EPYC: variants seen among roughly 807,000 people sequenced by gnomAD.
EPYC encodes the protein dermatan sulfate proteoglycan 3.
In EPYC, 28 loss-of-function variants were observed where a neutral mutation model predicts 30.1. That is an observed-to-expected ratio of 0.93 (90% CI 0.69 to 1.28). The LOEUF is 1.28. Ranked by LOEUF, EPYC falls within the 50% of genes most tolerant of loss-of-function variation. EPYC has a pLI of 0.00. For synonymous variants in EPYC, 144 were observed against 141.4 expected, an observed-to-expected ratio of 1.02 and a Z score of -0.13; for missense variants, 382 against 383.5, an observed-to-expected ratio of 1.00 and a Z score of 0.03.
intron 5 of EPYC, 63 bp downstream of exon 5, chr12:90,971,737 G>T: frequency 1.4e-6 from 1 of 694,280 alleles, no homozygotes; most frequent in East Asian, 3.2e-5. Context: ...GAATAAAAAA[G>T]GTAGTCAATG....
At chr12:91,001,312 T>G (rs1294656937) in intron 2 of EPYC, among the ~76,000 whole-genome samples, 1 of 152,156 alleles carries the variant, frequency 6.6e-6, no homozygotes, top group Non-Finnish European at 1.5e-5. Context: ...CATCTAAATA[T>G]TTTCTATCCT....
intron 3 of EPYC, among the ~76,000 whole-genome samples, chr12:90,974,030 A>ACACACT (rs1565871351): frequency 2.5e-5 from 2 of 79,736 alleles, no homozygotes; most frequent in East Asian, 3.8e-4. Flanking sequence ...TTTCTGTCTT[A>ACACACT]CACACACTCA....
intron 2 of EPYC, among the ~76,000 whole-genome samples, chr12:90,987,515 A>G (rs1920714): frequency 0.89 from 134,781 of 152,218 alleles, 59,685 homozygotes; most frequent in South Asian, 0.95. Flanking sequence ...TATCTCATAG[A>G]GAAAGCAGGT....
chr12:90,971,535 G>C (rs1877043377), intron 5 of EPYC, among the ~76,000 whole-genome samples: 1 of 151,846 alleles, frequency 6.6e-6, no homozygotes, highest in Non-Finnish European at 1.5e-5. Context: ...GCCAGGCATG[G>C]TGACACGCAT....
intron 3 of EPYC, among the ~76,000 whole-genome samples, chr12:90,973,416 A>G (rs537705527): frequency 6.6e-6 from 1 of 152,304 alleles, no homozygotes; most frequent in Non-Finnish European, 1.5e-5. Flanking sequence ...TTTCTATGTA[A>G]ATGGCACCAT....
chr12:90,971,725 A>G, intron 5 of EPYC, 75 bp downstream of exon 5: 1 of 556,454 alleles, frequency 1.8e-6, no homozygotes, highest in Non-Finnish European at 2.8e-6. Context: ...TTTTCCCTAC[A>G]CGAATAAAAA....
In EPYC at chr12:90,978,211, G is replaced by A. The variant is rs766514865; in HGVS notation, c.217C>T (p.Pro73Ser). The change falls in exon 3 of 7, where the codon CCC becomes TCC. Residue 73 changes from proline (P) to serine (S), a missense_variant. Coordinates refer to ENST00000261172, the MANE Select transcript of EPYC (RefSeq NM_004950.5). ...PSGNRELLTP[P>S]PQPEKAQEEE... ...TCCTGGGCCTTCTCAGGCTGTGGGG[G>A]TGGAGTGAGGAGCTCTCTGTTCCCT... The A allele has an allele frequency of 1.2e-6, 2 of 1,604,590 alleles. No individual in the cohort carries two copies. The highest frequency in any genetic ancestry group is 2.2e-5 in the South Asian group (2 of 89,910).
At chr12:90,981,358 ACT>A (rs966155874) in intron 2 of EPYC, among the ~76,000 whole-genome samples, 94 of 151,950 alleles carry the variant, frequency 6.2e-4, no homozygotes, top group Non-Finnish European at 5.0e-4. Flanking sequence ...AGAAATAAAG[ACT>A]CTCTGCAGAA....
Position 90,964,273 on chromosome 12 carries a change from C to T in EPYC, c.852G>A (p.Leu284=), listed in dbSNP as rs116446912. ...HEDTFCNVKN[L]TYIRKALEDI... is the part of the protein sequence containing the mutation. ...CCTCTAGTGCCTTACGAATATAAGT[C>T]AAATTTTTAACATTGCAGAACGTAT... The change falls in exon 7 of 7, where the codon TTG becomes TTA. Residue 284 remains leucine (L), a synonymous_variant. Coordinates refer to ENST00000261172, the MANE Select transcript of EPYC (RefSeq NM_004950.5). The T allele has an allele frequency of 2.5e-6, 4 of 1,612,636 alleles. No individual in the cohort carries two copies. The highest frequency in any genetic ancestry group is 3.4e-6 in the Non-Finnish European group (4 of 1,179,062).
intron 2 of EPYC, among the ~76,000 whole-genome samples, chr12:90,987,499 C>T (rs1877482195): frequency 1.3e-5 from 2 of 152,182 alleles, no homozygotes; most frequent in South Asian, 2.1e-4. Flanking sequence ...ATGTGTCTTT[C>T]TTATTTATCT....
intron 2 of EPYC, among the ~76,000 whole-genome samples, chr12:90,997,143 T>C (rs772710895): frequency 6.6e-6 from 1 of 152,024 alleles, no homozygotes; most frequent in Non-Finnish European, 1.5e-5. Flanking sequence ...ACAAAGACCA[T>C]AACTTAATGT....
intron 6 of EPYC, 120 bp from the exon 7 acceptor site, chr12:90,964,446 T>C (rs1375454387): frequency 1.5e-6 from 1 of 669,536 alleles, no homozygotes; most frequent in Admixed American, 3.1e-5. Flanking sequence ...CAATCAAAAT[T>C]ACTTAATGTA....
At chr12:90,980,780 T>C (rs1015154986) in intron 2 of EPYC, among the ~76,000 whole-genome samples, 2 of 152,236 alleles carry the variant, frequency 1.3e-5, no homozygotes, top group Non-Finnish European at 2.9e-5. Flanking sequence ...ATAAATTCTT[T>C]CAGCTTTATG....
intron 2 of EPYC, among the ~76,000 whole-genome samples, chr12:90,984,702 C>T (rs559807998): frequency 1.3e-5 from 2 of 152,218 alleles, no homozygotes; most frequent in South Asian, 2.1e-4. Context: ...CTCAGCTTAC[C>T]TCCGTATCCT....
At chr12:90,978,902 A>G (rs1877260100) in intron 2 of EPYC, among the ~76,000 whole-genome samples, 1 of 152,178 alleles carries the variant, frequency 6.6e-6, no homozygotes. Flanking sequence ...TGTTTTCAAT[A>G]TTATTAAAAT....
At chr12:90,978,048 A>G (rs372387132) in intron 3 of EPYC, 40 bp downstream of exon 3, 3 of 1,499,460 alleles carry the variant, frequency 2.0e-6, no homozygotes, top group Non-Finnish European at 1.8e-6. Flanking sequence ...TGAGGATGAC[A>G]AAGTGGACTC....
At chr12:90,977,862 ATC>A (rs1877223871) in intron 3 of EPYC, among the ~76,000 whole-genome samples, 1 of 152,128 alleles carries the variant, frequency 6.6e-6, no homozygotes, top group Non-Finnish European at 1.5e-5. Context: ...CAATATTTTC[ATC>A]CCAAATCTTT....
intron 3 of EPYC, among the ~76,000 whole-genome samples, chr12:90,977,183 A>G (rs1047899134): frequency 3.9e-5 from 6 of 152,032 alleles, no homozygotes; most frequent in African/African-American, 1.2e-4. Flanking sequence ...CATTCACTCA[A>G]CCTTTGCAGG....
chr12:90,970,434 GC>G (rs1396713707), intron 5 of EPYC, among the ~76,000 whole-genome samples: 3 of 152,166 alleles, frequency 2.0e-5, no homozygotes, highest in African/African-American at 7.2e-5. Context: ...CTCAATTTAA[GC>G]AAGGCTGCTT....
Sources: gnomAD v4.1 joint callset for allele counts (sites outside exome capture counted in the v4.1 genomes callset) on GRCh38, gnomAD v4.1.1 for gene constraint, MANE v1.5 for transcripts, NCBI Gene and HGNC (gene_info 2026-07-23, HGNC 2026-07-21) for gene names.